PRPSAP2: variants seen among roughly 807,000 people sequenced by gnomAD.
PRPSAP2 encodes the protein phosphoribosyl pyrophosphate synthase-associated protein 2.
Under a neutral mutation model 40.6 loss-of-function variants are expected in PRPSAP2, and 24 were observed. That is an observed-to-expected ratio of 0.59 (90% CI 0.43 to 0.83). The LOEUF is 0.83. Ranked by LOEUF, PRPSAP2 falls within the 40% of genes least tolerant of loss-of-function variation. PRPSAP2 has a pLI of 0.00. For synonymous variants in PRPSAP2, 149 were observed against 164.7 expected, an observed-to-expected ratio of 0.90 and a Z score of 0.73; for missense variants, 292 against 465.6, an observed-to-expected ratio of 0.63 and a Z score of 3.43.
At chr17:18,922,945 C>T (rs1359564699) in intron 9 of PRPSAP2, among the ~76,000 whole-genome samples, 1 of 151,732 alleles carries the variant, frequency 6.6e-6, no homozygotes, top group Admixed American at 6.6e-5. Context: ...TCCCAAAGTA[C>T]TGGGATTACA....
At chr17:18,866,646 G>A (rs1203243270) in intron 3 of PRPSAP2, among the ~76,000 whole-genome samples, 9 of 152,080 alleles carry the variant, frequency 5.9e-5, no homozygotes, top group African/African-American at 1.2e-4. Context: ...AACAAATATT[G>A]TACCCCTACT....
Position 18,911,339 on chromosome 17 carries a change from G to A in PRPSAP2, c.733+88G>A, listed in dbSNP as rs571354463. The A allele has an allele frequency of 4.5e-5, 61 of 1,366,786 alleles. No individual in the cohort carries two copies. The African/African-American group carries it at 6.9e-4, about 15-fold the overall frequency. 84.7% of individuals were successfully genotyped at this position (1,366,786 alleles called of 1,614,324 possible). On this transcript the variant is annotated intron_variant, in intron 9 of 11. Coordinates refer to ENST00000268835, the MANE Select transcript of PRPSAP2 (RefSeq NM_002767.4). This position sits in a 1 kb window ranked among gnomAD's most constrained non-coding sequence, Gnocchi z 4.5. ...TGTGTGGTTTTTTTCCTCATTCTTC[G>A]TTTTTTTTTAGTTGGCAAAAACTCA...
At chr17:18,872,399 G>GTT (rs1054793859) in intron 4 of PRPSAP2, among the ~76,000 whole-genome samples, 184 bp from the exon 5 acceptor site, 1 of 152,060 alleles carries the variant, frequency 6.6e-6, no homozygotes, top group Non-Finnish European at 1.5e-5. Flanking sequence ...TTAAAGCTGT[G>GTT]TTTTAAAAAG....
chr17:18,914,698 C>G (rs187747611), intron 9 of PRPSAP2, among the ~76,000 whole-genome samples: 6 of 151,798 alleles, frequency 4.0e-5, no homozygotes, highest in African/African-American at 1.4e-4. Context: ...AGCCATGCAC[C>G]CTCTTTTGCC....
At chr17:18,906,405 AG>A (rs1253920740) in intron 8 of PRPSAP2, among the ~76,000 whole-genome samples, 1 of 152,140 alleles carries the variant, frequency 6.6e-6, no homozygotes, top group Non-Finnish European at 1.5e-5. Context: ...TAGTAGAGAC[AG>A]GGTTTCACCA....
chr17:18,928,950 T>C lies in PRPSAP2; in HGVS notation c.944T>C (p.Ile315Thr), dbSNP rs2042113831. Reference sequence around the variant, plus strand: ...CCCCGGCGGATTGAAGAGTCTGCCATTGATGAGGTAACAGGGTCTGGGTGT... The same window carrying C: ...CCCCGGCGGATTGAAGAGTCTGCCACTGATGAGGTAACAGGGTCTGGGTGT... ...DAPRRIEESA[I>T]DEVVVTNTIP... Residue 315 changes from isoleucine (I) to threonine (T), a missense_variant, in exon 11 of 12, where the codon ATT (isoleucine) becomes ACT (threonine). Around this residue, in one of 2 missense-constraint regions of PRPSAP2, gnomAD observed 241 missense variants for 425.7 expected, o/e 0.57. Transcript: ENST00000268835. The C allele has an allele frequency of 6.2e-7, 1 of 1,613,526 alleles. No homozygotes were observed.
chr17:18,867,825 G>T (rs1252723754), intron 4 of PRPSAP2, among the ~76,000 whole-genome samples: 1 of 152,126 alleles, frequency 6.6e-6, no homozygotes, highest in African/African-American at 2.4e-5. Flanking sequence ...CTCCCAAGTT[G>T]TAAAAAGAAG....
At chr17:18,870,586 A>C (rs1290684106) in intron 4 of PRPSAP2, among the ~76,000 whole-genome samples, 6 of 152,046 alleles carry the variant, frequency 3.9e-5, no homozygotes, top group Non-Finnish European at 2.9e-5. Context: ...AGGTGGGTGG[A>C]TCACTTGAGA....
Position 18,923,985 on chromosome 17 carries a change from G to A in PRPSAP2, c.804+1G>A. The A allele has an allele frequency of 6.2e-7, 1 of 1,609,206 alleles. No homozygotes were observed. Among genetic ancestry groups the A allele is most frequent in the Non-Finnish European group, 8.5e-7 (1 of 1,175,774 alleles). On this transcript the variant is annotated splice_donor_variant, in intron 10 of 11. Coordinates refer to ENST00000268835, the MANE Select transcript of PRPSAP2 (RefSeq NM_002767.4). LOFTEE classifies it high-confidence loss of function. The stretch of plus-strand genomic sequence containing the variant: ...TGGAGGAAGGATTGCCATCATCGTG[G>A]TATGTAGACCTCTTTTATTATTAAT...
intron 9 of PRPSAP2, among the ~76,000 whole-genome samples, chr17:18,921,249 A>AAAAAGTGTTTTATCCAC (rs370641280): frequency 0.024 from 3,629 of 152,258 alleles, 143 homozygotes; most frequent in African/African-American, 0.084. Flanking sequence ...ATATGTGGAT[A>AAAAAGTGTTTTATCCAC]AAACACTTTT....
chr17:18,881,932 C>T (rs972559480), intron 6 of PRPSAP2, among the ~76,000 whole-genome samples: 13 of 151,244 alleles, frequency 8.6e-5, no homozygotes, highest in African/African-American at 3.2e-4. Context: ...CCTCTGCCTC[C>T]CGGATTCAAG....
chr17:18,879,619 A>C (rs537407587), intron 6 of PRPSAP2, among the ~76,000 whole-genome samples: 9 of 151,748 alleles, frequency 5.9e-5, no homozygotes, highest in Admixed American at 6.6e-5. Flanking sequence ...ACGCCTGGCT[A>C]ATTTTTGTAT....
intron 6 of PRPSAP2, among the ~76,000 whole-genome samples, 196 bp from the exon 7 acceptor site, chr17:18,882,372 G>A (rs917920242): frequency 2.0e-5 from 3 of 151,714 alleles, no homozygotes; most frequent in South Asian, 4.2e-4. Context: ...TTATCTGGGC[G>A]TGGTGGCATG....
At position 18,928,857 on chromosome 17, in the gene PRPSAP2, C is replaced by A. The variant is rs1317823989; in HGVS notation, c.851C>A (p.Thr284Asn). 6.2e-7 allele frequency: 1 copy of A among 1,614,042 alleles called. No individual in the cohort carries two copies. Among genetic ancestry groups the A allele is most frequent in the Non-Finnish European group, 8.5e-7 (1 of 1,179,960 alleles). ...GACAGCTTTCTTGCTGCAGCAGAGA[C>A]CCTGAAGGAAAGAGGTGCATATAAG... ...DVDSFLAAAETLKERGAYKIF... is the reference protein window; with the variant it reads ...DVDSFLAAAENLKERGAYKIF... The change falls in exon 11 of 12, where the codon ACC (threonine) becomes AAC (asparagine). Residue 284 changes from threonine to asparagine, a missense_variant. This residue lies in a region of PRPSAP2 where 241 missense variants were observed against 425.7 expected (regional missense o/e 0.57). Transcript: ENST00000268835.
chr17:18,869,842 TTG>T (rs60828225), intron 4 of PRPSAP2, among the ~76,000 whole-genome samples: 6 of 139,212 alleles, frequency 4.3e-5, no homozygotes, highest in South Asian at 2.3e-4. Context: ...TACTTTTTTT[TTG>T]TGTGTGTGTG....
Position 18,930,837 on chromosome 17 carries a change from T to G in PRPSAP2, c.*139T>G. 5.6e-6 allele frequency: 4 copies of G among 709,560 alleles called. No individual in the cohort carries two copies. The highest frequency in any genetic ancestry group is 8.1e-6 in the Non-Finnish European group (4 of 493,982). 44.0% of individuals were successfully genotyped at this position (709,560 alleles called of 1,614,324 possible). The stretch of plus-strand genomic sequence containing the variant: ...CACTTCTTATTGATTCCTAAGAAGA[T>G]AGACCAACTTTTTATGTCGGTTTGG... On this transcript the variant is annotated 3_prime_UTR_variant, in exon 12 of 12. Coordinates refer to ENST00000268835, the MANE Select transcript of PRPSAP2 (RefSeq NM_002767.4).
At chr17:18,862,958 C>A (rs1200983412) in intron 1 of PRPSAP2, among the ~76,000 whole-genome samples, 12 of 151,192 alleles carry the variant, frequency 7.9e-5, no homozygotes, top group Non-Finnish European at 1.8e-4. Context: ...GTAGCTGGGA[C>A]TGTAGGCGCC....
chr17:18,872,231 C>A (rs1351421339), intron 4 of PRPSAP2, among the ~76,000 whole-genome samples: 1 of 151,014 alleles, frequency 6.6e-6, no homozygotes, highest in Admixed American at 6.6e-5. Flanking sequence ...CAAGATCGCA[C>A]CACTGCATTC....
At chr17:18,906,702 T>G (rs1440047289) in intron 8 of PRPSAP2, among the ~76,000 whole-genome samples, 3 of 150,566 alleles carry the variant, frequency 2.0e-5, no homozygotes, top group South Asian at 2.1e-4. Context: ...TTTTGTGTGT[T>G]TGTTTGTTTG....
Sources: gnomAD v4.1 joint callset for allele counts (sites outside exome capture counted in the v4.1 genomes callset) on GRCh38, gnomAD v4.1.1 for gene constraint, gnomAD v4.1.1 regional missense constraint, Gnocchi (gnomAD v3.1) non-coding constraint, MANE v1.5 for transcripts, NCBI Gene and HGNC (gene_info 2026-07-23, HGNC 2026-07-21) for gene names.